PTPRA: variants seen among roughly 807,000 people sequenced by gnomAD.
PTPRA encodes receptor-type tyrosine-protein phosphatase alpha.
PTPRA carries 25 observed loss-of-function variants against 104.8 expected under a neutral mutation model. The ratio of observed to expected loss-of-function variants is 0.24; its 90% confidence interval spans 0.17 to 0.33. PTPRA has a LOEUF of 0.33. Ranked by LOEUF, PTPRA falls within the 10% of genes least tolerant of loss-of-function variation. PTPRA has a pLI of 1.00. For synonymous variants in PTPRA, 323 were observed against 368.9 expected (o/e 0.88, Z 1.43); for missense variants, 765 against 1,015.3 (o/e 0.75, Z 3.35).
intron 9 of PTPRA, among the ~76,000 whole-genome samples, chr20:2,994,519 C>T (rs541229775): frequency 6.6e-6 from 1 of 152,334 alleles, no homozygotes; most frequent in Admixed American, 6.5e-5. Context: ...CTGCTGAGGA[C>T]AGCCAGGAAA....
intron 3 of PTPRA, among the ~76,000 whole-genome samples, chr20:2,959,219 C>T (rs2061657964): frequency 6.6e-6 from 1 of 152,170 alleles, no homozygotes; most frequent in African/African-American, 2.4e-5. Context: ...CCACAGCTTC[C>T]ATCACCATGC....
At chr20:2,939,816 G>A (rs910385779) in intron 2 of PTPRA, among the ~76,000 whole-genome samples, 10 of 151,910 alleles carry the variant, frequency 6.6e-5, no homozygotes, top group African/African-American at 1.9e-4. Context: ...GGTTATAATC[G>A]GTGGGAAGGG....
chr20:3,027,302 CA>C, intron 19 of PTPRA, 105 bp downstream of exon 19: 1 of 1,199,918 alleles, frequency 8.3e-7, no homozygotes, highest in Non-Finnish European at 1.2e-6. Context: ...ATGTTTGAAT[CA>C]GTCAACAAAT....
chr20:2,865,107 G>A, the PTPRA span: 2 of 1,613,964 alleles, frequency 1.2e-6, no homozygotes, highest in Admixed American at 1.7e-5. This position sits in a 1 kb window ranked among gnomAD's most constrained non-coding sequence, Gnocchi z 5.2. Flanking sequence ...CTTCCCTCCT[G>A]GTCCCTCATC....
chr20:2,928,947 A>C (rs1386017572), intron 2 of PTPRA, among the ~76,000 whole-genome samples: 2 of 150,048 alleles, frequency 1.3e-5, no homozygotes, highest in Non-Finnish European at 3.0e-5. Flanking sequence ...CTCCCACCTC[A>C]GCTTTCCAAG....
chr20:2,971,485 T>A (rs2062184896), intron 5 of PTPRA, among the ~76,000 whole-genome samples: 1 of 152,248 alleles, frequency 6.6e-6, no homozygotes, highest in Non-Finnish European at 1.5e-5. Flanking sequence ...TTAATTTTTA[T>A]GGCTTCAAGT....
At chr20:3,024,434 G>C in intron 16 of PTPRA, 38 bp from the exon 17 acceptor site, 1 of 1,594,614 alleles carries the variant, frequency 6.3e-7, no homozygotes. Context: ...GAACTATGTT[G>C]TATGTAACCA....
chr20:2,998,673 CTA>C (rs1188049584), intron 9 of PTPRA, among the ~76,000 whole-genome samples: 2 of 152,064 alleles, frequency 1.3e-5, no homozygotes, highest in East Asian at 3.9e-4. Flanking sequence ...TCCCATCACT[CTA>C]GTGTTCAGTC....
intron 2 of PTPRA, among the ~76,000 whole-genome samples, chr20:2,924,122 C>T (rs513583): frequency 0.31 from 47,519 of 152,056 alleles, 10,218 homozygotes; most frequent in African/African-American, 0.59. Flanking sequence ...AATAGTTAAA[C>T]AAATTGTGAT....
intron 1 of PTPRA, among the ~76,000 whole-genome samples, chr20:2,886,661 A>C (rs1035307241): frequency 6.7e-6 from 1 of 150,338 alleles, no homozygotes; most frequent in African/African-American, 2.4e-5. Context: ...CCTGACCAAC[A>C]TGGAGAAACC....
upstream of PTPRA, among the ~76,000 whole-genome samples, chr20:2,870,735 G>A (rs1228053037): frequency 1.3e-5 from 2 of 152,192 alleles, no homozygotes; most frequent in African/African-American, 4.8e-5. Context: ...CAGCTCTCCT[G>A]ATCCTCTCCT....
At chr20:2,874,959 C>T (rs1307527367) in intron 1 of PTPRA, among the ~76,000 whole-genome samples, 1 of 152,124 alleles carries the variant, frequency 6.6e-6, no homozygotes, top group Non-Finnish European at 1.5e-5. Flanking sequence ...TCTTTCTTCC[C>T]CACCTTTACC....
At chr20:2,997,402 C>T (rs925612845) in intron 9 of PTPRA, among the ~76,000 whole-genome samples, 12 of 152,150 alleles carry the variant, frequency 7.9e-5, no homozygotes, top group Non-Finnish European at 1.5e-4. Context: ...TAGTTTGCTT[C>T]GATGGATATA....
rs972087563 is a variant in PTPRA at position 2,955,638 on chromosome 20, A to G, written c.-7+7614A>G. ...TCTTCAGAAGCTTGCCAGTTTTTCAAGCTGATTTCTCTCACTGGCAACTCT... is the reference window on the plus strand; with the variant it reads ...TCTTCAGAAGCTTGCCAGTTTTTCAGGCTGATTTCTCTCACTGGCAACTCT... On this transcript the variant is annotated intron_variant, in intron 3 of 23. Coordinates refer to ENST00000399903, the MANE Select transcript of PTPRA (RefSeq NM_001385305.1). 10 of 985,270 alleles carry G rather than the reference A, an allele frequency of 1.0e-5. No individual in the cohort carries two copies. In the South Asian group the frequency reaches 2.8e-4, roughly 28 times the overall value. The allele number at this position is 985,270 out of a possible 1,614,324, so 61.0% of individuals were successfully genotyped here. A position where few individuals can be genotyped will look rare whatever the true frequency, so the allele number is the denominator to read the frequency against.
At chr20:2,983,557 T>TA (rs1333729123) in intron 6 of PTPRA, among the ~76,000 whole-genome samples, 17 of 19,320 alleles carry the variant, frequency 8.8e-4, no homozygotes, top group East Asian at 4.3e-3. Flanking sequence ...CTGGTGGCAA[T>TA]AAAAAAAATG....
At chr20:2,894,972 G>C (rs1203859327) in intron 1 of PTPRA, among the ~76,000 whole-genome samples, 1 of 145,514 alleles carries the variant, frequency 6.9e-6, no homozygotes, top group Admixed American at 6.9e-5. Flanking sequence ...GGGCGACAGA[G>C]CGAGACTCCT....
intron 2 of PTPRA, among the ~76,000 whole-genome samples, chr20:2,924,021 C>G (rs1057183295): frequency 6.6e-6 from 1 of 152,138 alleles, no homozygotes. Flanking sequence ...AAATATATGT[C>G]TACACAAAAG....
chr20:2,875,735 G>C (rs2089677155), intron 1 of PTPRA, among the ~76,000 whole-genome samples: 1 of 152,114 alleles, frequency 6.6e-6, no homozygotes, highest in Non-Finnish European at 1.5e-5. Context: ...TACTCTACAG[G>C]GTTGGAAACT....
chr20:3,027,650 C>T lies in PTPRA; in HGVS notation c.1786-57C>T, dbSNP rs575029703. The T allele has an allele frequency of 6.9e-6, 11 of 1,587,148 alleles. No individual in the cohort carries two copies. The African/African-American group carries it at 1.2e-4, about 17-fold the overall frequency. On this transcript the variant is annotated intron_variant, in intron 19 of 23. Coordinates refer to ENST00000399903, the MANE Select transcript of PTPRA (RefSeq NM_001385305.1). ...TTCCCTTCTAGTGGTCTGTCTTCTC[C>T]ACTAGTCCCTCTGTGATTAAACCAT...
Sources: allele counts gnomAD v4.1 joint callset (sites outside exome capture counted in the v4.1 genomes callset), GRCh38; gene constraint gnomAD v4.1.1; non-coding constraint Gnocchi (gnomAD v3.1); transcripts MANE v1.5; gene names NCBI Gene and HGNC (gene_info 2026-07-23, HGNC 2026-07-21).